The following DIP2C variants were observed in gnomAD, a reference collection of about 807,000 sequenced individuals.
DIP2C encodes the protein DIP2 acetate--CoA ligase C (putative), also known as disco-interacting protein 2 homolog C.
In DIP2C, 33 loss-of-function variants were observed where a neutral mutation model predicts 192.4. The ratio of observed to expected loss-of-function variants is 0.17; its 90% confidence interval spans 0.13 to 0.23. The LOEUF is 0.23. Ranked by LOEUF, DIP2C falls within the 10% of genes least tolerant of loss-of-function variation. The pLI, the probability that DIP2C is intolerant of heterozygous loss-of-function variation, is 1.00. For missense variants in DIP2C, 1,537 were observed against 2,110.1 expected (o/e 0.73, Z 5.32); for synonymous variants, 979 against 864.1 (o/e 1.13, Z -2.33).
intron 1 of DIP2C, among the ~76,000 whole-genome samples, chr10:533,082 C>G (rs1847510641): frequency 6.6e-6 from 1 of 152,114 alleles, no homozygotes; most frequent in South Asian, 2.1e-4. Flanking sequence ...ACATAGATCC[C>G]AGCACACTCT....
At chr10:284,441 A>G (rs569522633) in intron 34 of DIP2C, among the ~76,000 whole-genome samples, 14 of 152,258 alleles carry the variant, frequency 9.2e-5, no homozygotes, top group Non-Finnish European at 1.8e-4. Flanking sequence ...AAATGCTGCC[A>G]TTTGCAACAG....
At chr10:348,803 C>A (rs1161879951) in intron 25 of DIP2C, 41 bp from the exon 26 acceptor site, 1 of 1,608,674 alleles carries the variant, frequency 6.2e-7, no homozygotes, top group Non-Finnish European at 8.5e-7. Context: ...GCAGACCACG[C>A]TGCTGAGTGC....
chr10:655,145 A>C (rs1564311278), intron 1 of DIP2C, among the ~76,000 whole-genome samples: 1 of 152,166 alleles, frequency 6.6e-6, no homozygotes, highest in East Asian at 1.9e-4. Flanking sequence ...CTCCTTATGC[A>C]AACAGGGAGC....
intron 1 of DIP2C, among the ~76,000 whole-genome samples, chr10:513,160 T>C (rs567132152): frequency 7.3e-6 from 1 of 136,134 alleles, no homozygotes. Context: ...TTTAGCATAC[T>C]GGCAGTTTTC....
intron 1 of DIP2C, chr10:663,039 G>A (rs2132090900): frequency 1.5e-6 from 1 of 663,632 alleles, no homozygotes; most frequent in South Asian, 1.8e-5. Context: ...AAACACTCTG[G>A]ACCCTGCTGG....
intron 1 of DIP2C, among the ~76,000 whole-genome samples, chr10:572,031 A>AATGAAG (rs1564211904): frequency 1.3e-5 from 2 of 152,194 alleles, no homozygotes; most frequent in Admixed American, 6.5e-5. Flanking sequence ...AAAATCACTG[A>AATGAAG]ATTCTGCCCG....
At chr10:319,810 G>T (rs900671649) in intron 31 of DIP2C, among the ~76,000 whole-genome samples, 2 of 152,104 alleles carry the variant, frequency 1.3e-5, no homozygotes, top group African/African-American at 4.8e-5. Context: ...TCTAAATTTT[G>T]TTCTGTTTTT....
chr10:416,011 T>C (rs1444982739), intron 6 of DIP2C, 123 bp from the exon 7 acceptor site: 1 of 1,448,514 alleles, frequency 6.9e-7, no homozygotes, highest in East Asian at 2.3e-5. Context: ...CTAGATGCGA[T>C]CCTGGGAAGG....
At chr10:320,856 G>C (rs1487330501) in intron 31 of DIP2C, among the ~76,000 whole-genome samples, 2 of 152,214 alleles carry the variant, frequency 1.3e-5, no homozygotes, top group African/African-American at 4.8e-5. Flanking sequence ...AAAGCAGCTG[G>C]AAAGTGTGAA....
chr10:685,163 T>A (rs1476786342), intron 1 of DIP2C, among the ~76,000 whole-genome samples: 365 of 19,102 alleles, frequency 0.019, 5 homozygotes, highest in African/African-American at 0.047. Context: ...AAAAAAAAAA[T>A]ATATATATAT....
At position 341,183 on chromosome 10, in the gene DIP2C, T is replaced by C. The variant is rs199754669; in HGVS notation, c.3584+16A>G. On this transcript the variant is annotated intron_variant, in intron 29 of 36. Coordinates refer to ENST00000280886, the MANE Select transcript of DIP2C (RefSeq NM_014974.3). ...CATGATTTTTTTTAATGTAAAGATA[T>C]AGAGAGGCATCTTACCTGCAGAGGC... 2.5e-6 allele frequency: 4 copies of C among 1,613,788 alleles called. No individual in the cohort carries two copies. Among genetic ancestry groups the C allele is most frequent in the Admixed American group, 1.7e-5 (1 of 59,986 alleles).
At chr10:459,540 G>A (rs1351004261) in intron 3 of DIP2C, among the ~76,000 whole-genome samples, 3 of 152,230 alleles carry the variant, frequency 2.0e-5, no homozygotes, top group African/African-American at 7.2e-5. Flanking sequence ...TGCTGCACAT[G>A]GGTTCTAGTA....
chr10:602,663 T>C lies in DIP2C; in HGVS notation c.85+86831A>G, dbSNP rs568324179. ...GAGCTGTGAGCTACAGATCACCCAA[T>C]CTACAGCAGCCCAGACAGTCATGTT... is the stretch of plus-strand genomic sequence containing the variant. On this transcript the variant is annotated intron_variant, in intron 1 of 36. Coordinates refer to ENST00000280886, the MANE Select transcript of DIP2C (RefSeq NM_014974.3). Among the ~76,000 whole-genome samples, 29 of 152,224 alleles carry C rather than the reference T, an allele frequency of 1.9e-4. No individual in the cohort carries two copies. In the South Asian group the frequency reaches 5.4e-3, roughly 28 times the overall value.
At chr10:350,850 G>A (rs1958765330) in intron 24 of DIP2C, among the ~76,000 whole-genome samples, 1 of 152,108 alleles carries the variant, frequency 6.6e-6, no homozygotes, top group Admixed American at 6.6e-5. Context: ...GTTTCACTAT[G>A]TTGGCCAGGA....
Position 384,162 on chromosome 10 carries a change from G to C in DIP2C, c.1757-16C>G, listed in dbSNP as rs1564643056. The C allele has an allele frequency of 6.2e-7, 1 of 1,600,676 alleles. No homozygotes were observed. Among genetic ancestry groups the C allele is most frequent in the East Asian group, 2.3e-5 (1 of 43,972 alleles). Reference sequence around the variant, plus strand: ...GCCACTTTTGCTAAAAAGAAAAATAGAAATAAGTTAACATGTGCCACCGTC... The same window carrying C: ...GCCACTTTTGCTAAAAAGAAAAATACAAATAAGTTAACATGTGCCACCGTC... On this transcript the variant is annotated splice_polypyrimidine_tract_variant and intron_variant, in intron 15 of 36. Coordinates refer to ENST00000280886, the MANE Select transcript of DIP2C (RefSeq NM_014974.3).
intron 1 of DIP2C, among the ~76,000 whole-genome samples, chr10:559,902 C>A (rs1486405029): frequency 6.6e-6 from 1 of 152,190 alleles, no homozygotes; most frequent in East Asian, 1.9e-4. Flanking sequence ...TAACCTAAAA[C>A]AGACACAGGA....
At chr10:546,736 C>T (rs1848304830) in intron 1 of DIP2C, among the ~76,000 whole-genome samples, 1 of 152,034 alleles carries the variant, frequency 6.6e-6, no homozygotes, top group Non-Finnish European at 1.5e-5. Flanking sequence ...GATTTTGTAA[C>T]TGGTTAGAAA....
At chr10:610,089 CAG>C (rs1486604595) in intron 1 of DIP2C, among the ~76,000 whole-genome samples, 3 of 152,202 alleles carry the variant, frequency 2.0e-5, no homozygotes, top group Non-Finnish European at 4.4e-5. Context: ...TGCCGGTCAA[CAG>C]GGGATGAAGG....
chr10:480,316 C>T (rs535084503), intron 2 of DIP2C, among the ~76,000 whole-genome samples: 1 of 150,130 alleles, frequency 6.7e-6, no homozygotes, highest in Non-Finnish European at 1.5e-5. Flanking sequence ...CCAGCCTGAG[C>T]TCCGGTCCAT....
Sources: allele counts gnomAD v4.1 joint callset (sites outside exome capture counted in the v4.1 genomes callset), GRCh38; gene constraint gnomAD v4.1.1; transcripts MANE v1.5; gene names NCBI Gene and HGNC (gene_info 2026-07-23, HGNC 2026-07-21).